Variants in MGAT4C observed in about 807,000 individuals in gnomAD.
MGAT4C encodes alpha-1,3-mannosyl-glycoprotein 4-beta-N-acetylglucosaminyltransferase C.
A neutral mutation model predicts 40.1 loss-of-function variants in MGAT4C; 19 were observed. That is an observed-to-expected ratio of 0.47 (90% CI 0.33 to 0.70). The LOEUF (loss-of-function observed/expected upper bound fraction) is 0.70, where lower values mean the gene tolerates loss of function less well. MGAT4C is among the 30% of genes least tolerant of loss of function. The pLI, the probability that MGAT4C is intolerant of heterozygous loss-of-function variation, is 0.02. For synonymous variants in MGAT4C, 181 were observed against 187.1 expected, an observed-to-expected ratio of 0.97 and a Z score of 0.27; for missense variants, 491 against 563.2, an observed-to-expected ratio of 0.87 and a Z score of 1.30.
At position 85,959,846 on chromosome 12, in the gene MGAT4C, A is replaced by T. The variant is rs1442435891; in HGVS notation, c.*19443T>A. 6.6e-6 allele frequency: 1 copy of T among 151,634 alleles called. No individual in the cohort carries two copies. The highest frequency in any genetic ancestry group is 1.5e-5 in the Non-Finnish European group (1 of 67,900). 9.4% of individuals were successfully genotyped at this position (151,634 alleles called of 1,614,324 possible). On this transcript the variant is annotated 3_prime_UTR_variant, in exon 5 of 5. Transcript: ENST00000611864. ...AATTACTTTTAGATAAAGTATTGAT[A>T]TTGTCATTTATCAATTTTATTATAT...
intron 3 of MGAT4C, among the ~76,000 whole-genome samples, chr12:86,371,907 T>C (rs960914634): frequency 6.6e-6 from 1 of 151,938 alleles, no homozygotes. Flanking sequence ...ATAAACACTT[T>C]CCTGGAAATA....
intron 2 of MGAT4C, among the ~76,000 whole-genome samples, chr12:86,679,796 T>C (rs2136577548): frequency 6.6e-6 from 1 of 152,206 alleles, no homozygotes; most frequent in South Asian, 2.1e-4. Flanking sequence ...CTTCTCAGCC[T>C]CCACAACTGT....
At chr12:86,045,343 C>T (rs908693547) in intron 2 of MGAT4C, among the ~76,000 whole-genome samples, 1 of 152,198 alleles carries the variant, frequency 6.6e-6, no homozygotes, top group Non-Finnish European at 1.5e-5. Context: ...TAGTTGCCTA[C>T]ACTCCTCTCT....
intron 1 of MGAT4C, among the ~76,000 whole-genome samples, chr12:86,737,249 C>G (rs530523467): frequency 4.6e-5 from 7 of 151,292 alleles, no homozygotes; most frequent in Non-Finnish European, 1.0e-4. Context: ...TTAGTTTCTA[C>G]AGTGCTAAGT....
chr12:86,289,844 T>C (rs1221107622), intron 4 of MGAT4C, among the ~76,000 whole-genome samples: 1 of 152,172 alleles, frequency 6.6e-6, no homozygotes, highest in Non-Finnish European at 1.5e-5. Context: ...TTTTCCCAAA[T>C]TCATAGTTAA....
At chr12:86,183,826 C>A (rs1444491525) in intron 1 of MGAT4C, among the ~76,000 whole-genome samples, 1 of 152,126 alleles carries the variant, frequency 6.6e-6, no homozygotes, top group Non-Finnish European at 1.5e-5. Flanking sequence ...CTTAAGATCC[C>A]CTCTATGACC....
intron 1 of MGAT4C, among the ~76,000 whole-genome samples, chr12:86,241,922 T>A (rs566927559): frequency 6.6e-6 from 1 of 152,170 alleles, no homozygotes; most frequent in Non-Finnish European, 1.5e-5. Flanking sequence ...GCTTTGCCAA[T>A]CCAGCTCTCA....
At chr12:86,517,237 T>G (rs1958706872) in intron 2 of MGAT4C, among the ~76,000 whole-genome samples, 1 of 152,202 alleles carries the variant, frequency 6.6e-6, no homozygotes. Context: ...GTGAATATAC[T>G]AAAGACCATT....
chr12:86,836,904 C>T (rs1028224463), intron 1 of MGAT4C, among the ~76,000 whole-genome samples: 1 of 151,950 alleles, frequency 6.6e-6, no homozygotes, highest in Admixed American at 6.6e-5. Flanking sequence ...CCTACTTGTG[C>T]CTCCTTTAGC....
In MGAT4C at chr12:86,518,509, T is replaced by C. The variant is rs368579795; in HGVS notation, c.-228-83244A>G. 4.9e-4 allele frequency among the ~76,000 whole-genome samples: 75 copies of C among 152,288 alleles called. 1 individual carries two copies. The East Asian group carries it at 0.014, about 27-fold the overall frequency. ...AGTGAGATACCTCTACCCATTATAA[T>C]AGCTAAACTCATAAAATTCAATAGC... On this transcript the variant is annotated intron_variant, in intron 2 of 7. Coordinates refer to the MGAT4C transcript ENST00000548651.
At position 85,971,002 on chromosome 12, in the gene MGAT4C, T is replaced by C. The variant is rs954016478; in HGVS notation, c.*8287A>G. The C allele has an allele frequency of 1.3e-5, 2 of 151,190 alleles. No individual in the cohort carries two copies. The highest frequency in any genetic ancestry group is 2.4e-5 in the African/African-American group (1 of 41,364). 9.4% of individuals were successfully genotyped at this position (151,190 alleles called of 1,614,324 possible). A position where few individuals can be genotyped will look rare whatever the true frequency, so the allele number is the denominator to read the frequency against. The stretch of plus-strand genomic sequence containing the variant: ...GTTTGTGTTAAGTGAAATTATACCT[T>C]GTAAAATTTCATATTATGAGAGCAA... On this transcript the variant is annotated 3_prime_UTR_variant, in exon 5 of 5. Transcript: ENST00000611864.
chr12:86,631,240 C>A (rs1222147130), intron 2 of MGAT4C, among the ~76,000 whole-genome samples: 1 of 152,002 alleles, frequency 6.6e-6, no homozygotes, highest in Non-Finnish European at 1.5e-5. Context: ...AACCACTGCT[C>A]AATGAAATAA....
At chr12:86,727,688 T>C (rs1320120453) in intron 1 of MGAT4C, among the ~76,000 whole-genome samples, 1 of 152,044 alleles carries the variant, frequency 6.6e-6, no homozygotes, top group Non-Finnish European at 1.5e-5. Flanking sequence ...TTAAAGCATG[T>C]TATTGAAACA....
At chr12:86,507,181 G>A (rs1483847819) in intron 2 of MGAT4C, among the ~76,000 whole-genome samples, 1 of 152,104 alleles carries the variant, frequency 6.6e-6, no homozygotes, top group Non-Finnish European at 1.5e-5. Context: ...GTTTTTGTAA[G>A]AAAACTATCT....
chr12:86,120,174 T>A (rs1240194395), intron 1 of MGAT4C, among the ~76,000 whole-genome samples: 1 of 150,760 alleles, frequency 6.6e-6, no homozygotes, highest in African/African-American at 2.4e-5. Flanking sequence ...GAAAAAAATA[T>A]ATATATAAAT....
intron 1 of MGAT4C, among the ~76,000 whole-genome samples, chr12:86,094,403 T>C (rs562722801): frequency 3.3e-5 from 5 of 152,254 alleles, no homozygotes; most frequent in African/African-American, 1.2e-4. Context: ...AAAGTAAACT[T>C]GACAAAAACT....
At chr12:86,652,973 C>A (rs899548471) in intron 2 of MGAT4C, among the ~76,000 whole-genome samples, 2 of 151,826 alleles carry the variant, frequency 1.3e-5, no homozygotes, top group Admixed American at 1.3e-4. Flanking sequence ...TTAGTACTCA[C>A]AACAGAATTA....
intron 1 of MGAT4C, among the ~76,000 whole-genome samples, chr12:86,218,988 G>T (rs1950774527): frequency 6.6e-6 from 1 of 151,950 alleles, no homozygotes; most frequent in Non-Finnish European, 1.5e-5. Flanking sequence ...AGACCATCCT[G>T]GTTAAGATGG....
intron 2 of MGAT4C, among the ~76,000 whole-genome samples, chr12:86,460,270 T>A (rs1370677477): frequency 6.6e-6 from 1 of 152,152 alleles, no homozygotes; most frequent in East Asian, 1.9e-4. Flanking sequence ...AAATACTTCA[T>A]CCTCCTGGGG....
Sources: gnomAD v4.1 joint callset for allele counts (sites outside exome capture counted in the v4.1 genomes callset) on GRCh38, gnomAD v4.1.1 for gene constraint, MANE v1.5 for transcripts, NCBI Gene and HGNC (gene_info 2026-07-23, HGNC 2026-07-21) for gene names.